The following RGS7 variants were observed in gnomAD, a reference collection of about 807,000 sequenced individuals.
RGS7 encodes the protein regulator of G protein signaling 7, also known as regulator of G-protein signaling 7.
RGS7 carries 27 observed loss-of-function variants against 81.1 expected under a neutral mutation model. The ratio of observed to expected loss-of-function variants is 0.33; its 90% confidence interval spans 0.25 to 0.46. The LOEUF (loss-of-function observed/expected upper bound fraction) is 0.46, where lower values mean the gene tolerates loss of function less well. Among genes scored for constraint, RGS7 ranks in the 20% least tolerant of loss-of-function variants. The pLI, the probability that RGS7 is intolerant of heterozygous loss-of-function variation, is 1.00. For missense variants in RGS7, 396 were observed against 607.4 expected, an observed-to-expected ratio of 0.65 and a Z score of 3.66; for synonymous variants, 208 against 207.7, an observed-to-expected ratio of 1.00 and a Z score of -0.01.
At chr1:241,239,249 G>T (rs4477261) in intron 2 of RGS7, among the ~76,000 whole-genome samples, 22,710 of 152,010 alleles carry the variant, frequency 0.15, 1,777 homozygotes, top group East Asian at 0.2. Context: ...TTACAGGTGT[G>T]AGCCACCGCG....
intron 6 of RGS7, among the ~76,000 whole-genome samples, chr1:240,894,561 C>T (rs1283404881): frequency 6.6e-6 from 1 of 151,246 alleles, no homozygotes; most frequent in African/African-American, 2.4e-5. Flanking sequence ...TTATAACGAC[C>T]ATATTTATTT....
At chr1:241,022,319 G>A (rs995785668) in intron 3 of RGS7, among the ~76,000 whole-genome samples, 1 of 152,122 alleles carries the variant, frequency 6.6e-6, no homozygotes, top group Non-Finnish European at 1.5e-5. Flanking sequence ...TGGGAGCAAC[G>A]CAGTTTAGAG....
intron 6 of RGS7, among the ~76,000 whole-genome samples, chr1:240,884,123 G>A (rs1487468656): frequency 7.0e-6 from 1 of 142,814 alleles, no homozygotes; most frequent in Non-Finnish European, 1.5e-5. Context: ...GAGTAGTATT[G>A]AAGTGCTGTC....
intron 2 of RGS7, among the ~76,000 whole-genome samples, chr1:241,274,198 T>C (rs1016307951): frequency 6.6e-6 from 1 of 152,232 alleles, no homozygotes; most frequent in African/African-American, 2.4e-5. Context: ...TCTATCCAGA[T>C]AGAAAAGTTC....
At chr1:241,110,860 T>C (rs759786710) in intron 2 of RGS7, among the ~76,000 whole-genome samples, 2 of 152,016 alleles carry the variant, frequency 1.3e-5, no homozygotes, top group Non-Finnish European at 2.9e-5. Flanking sequence ...AATTTTTGTA[T>C]TTTTAGTAGA....
At chr1:241,182,182 TC>T (rs2071679371) in intron 2 of RGS7, among the ~76,000 whole-genome samples, 1 of 152,114 alleles carries the variant, frequency 6.6e-6, no homozygotes, top group African/African-American at 2.4e-5. Flanking sequence ...ATCCCTGCCA[TC>T]ACCATGCGCA....
At chr1:241,208,471 T>G (rs2074056922) in intron 2 of RGS7, among the ~76,000 whole-genome samples, 1 of 152,106 alleles carries the variant, frequency 6.6e-6, no homozygotes, top group South Asian at 2.1e-4. Context: ...TGATTGAATT[T>G]CCTCCCAACA....
At chr1:241,089,063 C>CTCTCTCTCTATATA (rs1374552672) in intron 3 of RGS7, among the ~76,000 whole-genome samples, 5 of 23,686 alleles carry the variant, frequency 2.1e-4, no homozygotes, top group African/African-American at 4.6e-4. Context: ...CTCTCTCTCT[C>CTCTCTCTCTATATA]TATATATATA....
At chr1:241,177,158 G>A (rs2071214978) in intron 2 of RGS7, among the ~76,000 whole-genome samples, 1 of 152,154 alleles carries the variant, frequency 6.6e-6, no homozygotes, top group Admixed American at 6.5e-5. Context: ...ATAATAAAAT[G>A]TCTGTGAAAG....
intron 2 of RGS7, among the ~76,000 whole-genome samples, chr1:241,339,260 C>T (rs7544466): frequency 0.039 from 5,864 of 152,294 alleles, 396 homozygotes; most frequent in African/African-American, 0.13. Context: ...GGTGTATACA[C>T]ACCACACTTT....
chr1:241,220,997 G>GGAAGGAAGAA (rs1558203322), intron 2 of RGS7, among the ~76,000 whole-genome samples: 8 of 90,244 alleles, frequency 8.9e-5, no homozygotes, highest in South Asian at 4.5e-4. Flanking sequence ...AAGGAAGGAA[G>GGAAGGAAGAA]AGAGAGAGAA....
chr1:240,918,296 A>G (rs1332268817), intron 6 of RGS7, among the ~76,000 whole-genome samples: 1 of 152,172 alleles, frequency 6.6e-6, no homozygotes, highest in Non-Finnish European at 1.5e-5. Flanking sequence ...CAGCAACAGA[A>G]TCTATAGTCA....
intron 3 of RGS7, among the ~76,000 whole-genome samples, chr1:241,044,280 T>G (rs2060792970): frequency 6.6e-6 from 1 of 151,970 alleles, no homozygotes. Context: ...GCCCGCCTAA[T>G]TTTTGTATTT....
chr1:241,115,061 G>A (rs375822300), intron 2 of RGS7, among the ~76,000 whole-genome samples: 1 of 152,302 alleles, frequency 6.6e-6, no homozygotes, highest in African/African-American at 2.4e-5. Flanking sequence ...AAAACAAACT[G>A]TAACCAATCA....
chr1:241,040,117 C>T (rs2060534418), intron 3 of RGS7, among the ~76,000 whole-genome samples: 1 of 152,178 alleles, frequency 6.6e-6, no homozygotes, highest in Admixed American at 6.5e-5. Context: ...TTTTTCCCTG[C>T]AGGAAAACTG....
At position 241,328,449 on chromosome 1, in the gene RGS7, A is replaced by G. The variant is rs575626806; in HGVS notation, c.78+27250T>C. ...TACAAGAAACTACAGGCCCAGCTCC[A>G]CTCCTAACATGGGATTCATATCTGT... On this transcript the variant is annotated intron_variant, in intron 2 of 18. Coordinates refer to ENST00000440928, the MANE Select transcript of RGS7 (RefSeq NM_001364886.1). Among the ~76,000 whole-genome samples the G allele has an allele frequency of 2.0e-5, 3 of 152,206 alleles. 1 individual carries two copies. The South Asian group carries it at 6.2e-4, about 32-fold the overall frequency.
chr1:240,947,104 C>G lies in RGS7; in HGVS notation c.227-10398G>C, dbSNP rs374498759. 2.0e-5 allele frequency among the ~76,000 whole-genome samples: 3 copies of G among 152,098 alleles called. No homozygotes were observed. The South Asian group carries it at 6.2e-4, about 32-fold the overall frequency. ...TCAGTGGATCAGTAATCTTGGTGGA[C>G]AACACACACATGCCCCCTGGTGGGA... On this transcript the variant is annotated intron_variant, in intron 4 of 18. Transcript: ENST00000440928.
At chr1:241,211,362 G>T (rs1157657823) in intron 2 of RGS7, among the ~76,000 whole-genome samples, 2 of 152,156 alleles carry the variant, frequency 1.3e-5, no homozygotes, top group African/African-American at 4.8e-5. Context: ...CTCATATTAT[G>T]TGGGAACCAT....
chr1:241,090,933 G>T (rs1170527774), intron 3 of RGS7, among the ~76,000 whole-genome samples: 1 of 152,130 alleles, frequency 6.6e-6, no homozygotes, highest in Non-Finnish European at 1.5e-5. Flanking sequence ...ACATGCGTGT[G>T]CTTGTCATAA....
Sources: allele counts gnomAD v4.1 joint callset (sites outside exome capture counted in the v4.1 genomes callset), GRCh38; gene constraint gnomAD v4.1.1; transcripts MANE v1.5; gene names NCBI Gene and HGNC (gene_info 2026-07-23, HGNC 2026-07-21).